Variants in DISP1 observed in about 807,000 individuals in gnomAD.
DISP1 encodes the protein protein dispatched homolog 1.
Under a neutral mutation model 37.3 loss-of-function variants are expected in DISP1, and 30 were observed. That is an observed-to-expected ratio of 0.80 (90% CI 0.60 to 1.09). The LOEUF is 1.09. DISP1 is among the 50% of genes least tolerant of loss of function. The pLI is 0.00. For synonymous variants in DISP1, 634 were observed against 690.2 expected (o/e 0.92, Z 1.28); for missense variants, 1,598 against 1,879.5 (o/e 0.85, Z 2.77).
chr1:222,960,279 C>T lies in DISP1; in HGVS notation c.509+16947C>T, dbSNP rs138531005. 2.7e-3 allele frequency among the ~76,000 whole-genome samples: 411 copies of T among 152,264 alleles called. 2 individuals are homozygous for T. Among genetic ancestry groups the T allele is most frequent in the Non-Finnish European group, 4.1e-3 (280 of 68,026 alleles). Reference sequence around the variant, plus strand: ...ACTGAAATTGTAACAGTCTGTCAGACCACAGTGCAATCAAATTAGAACTCA... The same window carrying T: ...ACTGAAATTGTAACAGTCTGTCAGATCACAGTGCAATCAAATTAGAACTCA... On this transcript the variant is annotated intron_variant, in intron 3 of 8. Transcript: ENST00000675850.
At chr1:222,914,301 G>A (rs17536056) in intron 1 of DISP1, among the ~76,000 whole-genome samples, 17,297 of 151,996 alleles carry the variant, frequency 0.11, 1,350 homozygotes, top group Non-Finnish European at 0.16. Flanking sequence ...TACACCAAAG[G>A]GATATTCATT....
chr1:222,964,386 G>A (rs919349090), intron 3 of DISP1, among the ~76,000 whole-genome samples: 4 of 151,790 alleles, frequency 2.6e-5, no homozygotes, highest in Admixed American at 1.3e-4. Context: ...TGTCTGATTC[G>A]AAGCCTTCCT....
intron 3 of DISP1, among the ~76,000 whole-genome samples, chr1:222,957,592 AAAAAAAT>A (rs565804207): frequency 2.6e-4 from 39 of 152,116 alleles, no homozygotes; most frequent in Non-Finnish European, 4.9e-4. Context: ...CTGTCTCAAT[AAAAAAAT>A]AAAAAATAAA....
At chr1:222,857,306 A>G (rs1668610941) in intron 1 of DISP1, among the ~76,000 whole-genome samples, 1 of 152,172 alleles carries the variant, frequency 6.6e-6, no homozygotes, top group Admixed American at 6.5e-5. Flanking sequence ...TATAGAATGA[A>G]GAATAAAGAT....
chr1:222,897,160 A>G (rs909680542), intron 1 of DISP1, among the ~76,000 whole-genome samples: 1 of 152,222 alleles, frequency 6.6e-6, no homozygotes, highest in Non-Finnish European at 1.5e-5. Context: ...CATACTCCTC[A>G]GCAATAAAAA....
intron 2 of DISP1, among the ~76,000 whole-genome samples, chr1:222,929,449 C>T (rs954958556): frequency 6.6e-6 from 1 of 151,846 alleles, no homozygotes; most frequent in African/African-American, 2.4e-5. Flanking sequence ...TGCCTTTATT[C>T]AATGATAATG....
intron 1 of DISP1, among the ~76,000 whole-genome samples, chr1:222,870,933 G>GTT (rs1669532066): frequency 3.9e-5 from 6 of 152,032 alleles, no homozygotes; most frequent in Non-Finnish European, 7.4e-5. Context: ...GGTCTTACAT[G>GTT]TAAGTCTTTA....
At chr1:222,872,869 G>T (rs1271126081) in intron 1 of DISP1, among the ~76,000 whole-genome samples, 2 of 152,150 alleles carry the variant, frequency 1.3e-5, no homozygotes, top group Non-Finnish European at 2.9e-5. Flanking sequence ...TGATGTTAGG[G>T]TGTCTATTTT....
intron 1 of DISP1, chr1:222,872,456 A>G (rs1669647004): frequency 6.6e-6 from 1 of 152,082 alleles, no homozygotes; most frequent in Non-Finnish European, 1.5e-5. Flanking sequence ...TATTGCCTCA[A>G]TTTCAGAGCC....
At chr1:222,838,489 C>A (rs923222870) in intron 1 of DISP1, among the ~76,000 whole-genome samples, 6 of 152,080 alleles carry the variant, frequency 3.9e-5, no homozygotes, top group African/African-American at 1.4e-4. Flanking sequence ...AACTTTTCAG[C>A]TGGGCATGGT....
intron 3 of DISP1, among the ~76,000 whole-genome samples, chr1:222,951,211 C>A (rs766470894): frequency 2.4e-4 from 37 of 152,108 alleles, no homozygotes; most frequent in Non-Finnish European, 5.0e-4. Flanking sequence ...TTGTCCCTGC[C>A]ACCCCCATAT....
intron 1 of DISP1, among the ~76,000 whole-genome samples, chr1:222,876,072 A>G (rs1368306406): frequency 6.6e-6 from 1 of 152,098 alleles, no homozygotes; most frequent in East Asian, 1.9e-4. Flanking sequence ...TGAGGGTAAT[A>G]ACAGTATCTG....
At chr1:222,860,322 G>A (rs61840265) in intron 1 of DISP1, among the ~76,000 whole-genome samples, 30,001 of 152,066 alleles carry the variant, frequency 0.2, 3,560 homozygotes, top group Non-Finnish European at 0.26. Flanking sequence ...CCAAAGTGCT[G>A]GGATTACAGG....
At chr1:222,960,148 C>T (rs889205568) in intron 3 of DISP1, among the ~76,000 whole-genome samples, 1 of 152,222 alleles carries the variant, frequency 6.6e-6, no homozygotes, top group African/African-American at 2.4e-5. Context: ...ACAGAACTCT[C>T]CATCCCAAAT....
intron 3 of DISP1, among the ~76,000 whole-genome samples, chr1:222,957,144 G>GT (rs1234046576): frequency 4.0e-5 from 2 of 50,356 alleles, no homozygotes; most frequent in East Asian, 6.0e-4. Flanking sequence ...CTTTACTATT[G>GT]TAAAAAAAAA....
intron 3 of DISP1, among the ~76,000 whole-genome samples, chr1:222,977,696 C>A (rs1203011540): frequency 1.3e-5 from 2 of 151,614 alleles, no homozygotes; most frequent in African/African-American, 4.8e-5. Context: ...TCCCCCGACC[C>A]CACAACAGGC....
At chr1:222,851,821 TGGAACC>T (rs1668254728) in intron 1 of DISP1, among the ~76,000 whole-genome samples, 1 of 151,944 alleles carries the variant, frequency 6.6e-6, no homozygotes. Flanking sequence ...CAAGCCAGCT[TGGAACC>T]AAAGCATTCA....
chr1:223,004,272 C>T lies in DISP1; in HGVS notation c.2875C>T (p.Pro959Ser). ...GATATCCAGTGAGCTGAGTTCGGCC[C>T]CTGAAGGCCTCAGCAATGGTTGGTT... ...SWISSELSSA[P>S]EGLSNGWFVS... Residue 959 changes from proline to serine, a missense_variant, in exon 9 of 9, where the codon CCT becomes TCT. Physicochemically the swap from Pro to Ser is moderately conservative, Grantham distance 74. Coordinates refer to ENST00000675850, the MANE Select transcript of DISP1 (RefSeq NM_001377229.1). This position sits in a 1 kb window ranked among gnomAD's most constrained non-coding sequence, Gnocchi z 4.9. 6.2e-7 allele frequency: 1 copy of T among 1,614,062 alleles called. No homozygotes were observed.
At chr1:222,992,864 A>ATT (rs71178523) in intron 7 of DISP1, among the ~76,000 whole-genome samples, 43 of 118,612 alleles carry the variant, frequency 3.6e-4, no homozygotes, top group Admixed American at 6.0e-4. Flanking sequence ...AAAACCCAGA[A>ATT]TTTTTTTTTT....
Sources: gnomAD v4.1 joint callset for allele counts (sites outside exome capture counted in the v4.1 genomes callset) on GRCh38, gnomAD v4.1.1 for gene constraint, Gnocchi (gnomAD v3.1) non-coding constraint, MANE v1.5 for transcripts, NCBI Gene and HGNC (gene_info 2026-07-23, HGNC 2026-07-21) for gene names.